Variants in PLCB1 observed in about 807,000 individuals in gnomAD.
The protein encoded by PLCB1 is 1-phosphatidylinositol 4,5-bisphosphate phosphodiesterase beta-1.
A neutral mutation model predicts 161.8 loss-of-function variants in PLCB1; 46 were observed. The ratio of observed to expected loss-of-function variants is 0.28; its 90% CI spans 0.22 to 0.36. The LOEUF (loss-of-function observed/expected upper bound fraction) is 0.36. Among genes scored for constraint, PLCB1 ranks in the 10% least tolerant of loss-of-function variants. The pLI is 1.00. For synonymous variants in PLCB1, 517 were observed against 503.7 expected (o/e 1.03, Z -0.35); for missense variants, 1,016 against 1,472.5 (o/e 0.69, Z 5.07).
chr20:8,403,781 C>T (rs1409808047), intron 3 of PLCB1, among the ~76,000 whole-genome samples: 1 of 152,132 alleles, frequency 6.6e-6, no homozygotes, highest in Non-Finnish European at 1.5e-5. Context: ...AAAATCTATA[C>T]TCATTTTTAA....
At chr20:8,262,751 G>C (rs1252735888) in intron 2 of PLCB1, among the ~76,000 whole-genome samples, 2 of 152,214 alleles carry the variant, frequency 1.3e-5, no homozygotes, top group African/African-American at 4.8e-5. Context: ...AGTCTAAGAT[G>C]AAAGTGCCAA....
intron 3 of PLCB1, among the ~76,000 whole-genome samples, chr20:8,423,751 T>A (rs987647710): frequency 3.3e-5 from 5 of 152,286 alleles, no homozygotes; most frequent in Admixed American, 6.5e-5. Context: ...GAAACTCAAA[T>A]TAACAACAGA....
At chr20:8,627,010 C>G (rs915114518) in intron 3 of PLCB1, among the ~76,000 whole-genome samples, 1 of 152,070 alleles carries the variant, frequency 6.6e-6, no homozygotes, top group African/African-American at 2.4e-5. Context: ...TTTTCTGGGT[C>G]ATGCAAATTG....
In PLCB1 at chr20:8,382,524, C is replaced by T. The variant is rs931459253; in HGVS notation, c.246+11074C>T. On this transcript the variant is annotated intron_variant, in intron 3 of 31. Coordinates refer to ENST00000338037, the MANE Select transcript of PLCB1 (RefSeq NM_015192.4). ...GGTCTCGATCTCCTGACCTCGTAAT[C>T]CACCCATCTTGGCCTCTCAAAGTGT... Among the ~76,000 whole-genome samples the T allele has an allele frequency of 2.7e-5, 4 of 149,696 alleles. No homozygotes were observed. In the South Asian group the frequency reaches 8.5e-4, roughly 32 times the overall value.
chr20:8,751,741 A>G (rs1472404160), intron 23 of PLCB1: 1 of 152,130 alleles, frequency 6.6e-6, no homozygotes, highest in Non-Finnish European at 1.5e-5. Context: ...CTGAAGTACT[A>G]CCACCTTCTG....
intron 2 of PLCB1, among the ~76,000 whole-genome samples, chr20:8,357,439 T>C (rs1293775435): frequency 1.3e-5 from 2 of 152,182 alleles, no homozygotes; most frequent in African/African-American, 2.4e-5. Context: ...CTAAGGACTA[T>C]TTCATATGAC....
chr20:8,572,503 G>T (rs1986552429), intron 3 of PLCB1, among the ~76,000 whole-genome samples: 1 of 152,214 alleles, frequency 6.6e-6, no homozygotes, highest in Admixed American at 6.5e-5. Flanking sequence ...TTTCATAGAT[G>T]TGAGAACCTG....
chr20:8,717,354 A>G (rs1005836854), intron 13 of PLCB1, among the ~76,000 whole-genome samples: 7 of 152,208 alleles, frequency 4.6e-5, no homozygotes, highest in African/African-American at 1.7e-4. Flanking sequence ...TATCTGTCCT[A>G]AATCAAGATG....
chr20:8,679,072 A>G (rs1236835122), intron 9 of PLCB1, among the ~76,000 whole-genome samples: 1 of 152,176 alleles, frequency 6.6e-6, no homozygotes, highest in East Asian at 1.9e-4. Context: ...ATCCTTGGTT[A>G]TTTCCAACCC....
chr20:8,761,848 C>T (rs1289933440), intron 25 of PLCB1, among the ~76,000 whole-genome samples: 1 of 142,932 alleles, frequency 7.0e-6, no homozygotes, highest in East Asian at 2.1e-4. Context: ...CCCGCCTCGG[C>T]CTCCCAAAGT....
chr20:8,504,915 T>A (rs529891742), intron 3 of PLCB1, among the ~76,000 whole-genome samples: 2 of 152,324 alleles, frequency 1.3e-5, no homozygotes, highest in African/African-American at 4.8e-5. Context: ...TCACACAGGC[T>A]GAAGTTCAGT....
chr20:8,774,780 G>A, intron 27 of PLCB1, 61 bp downstream of exon 27: 1 of 1,396,080 alleles, frequency 7.2e-7, no homozygotes, highest in Non-Finnish European at 9.8e-7. Context: ...GGAAACTTTG[G>A]ATACTTTTGG....
intron 1 of PLCB1, among the ~76,000 whole-genome samples, chr20:8,147,293 C>A (rs1428747202): frequency 1.3e-5 from 2 of 152,164 alleles, no homozygotes; most frequent in Non-Finnish European, 2.9e-5. Flanking sequence ...AGTTTAAAAA[C>A]CACAATCTTA....
chr20:8,632,968 G>T (rs961444595), intron 4 of PLCB1, among the ~76,000 whole-genome samples: 12 of 152,202 alleles, frequency 7.9e-5, no homozygotes, highest in African/African-American at 2.9e-4. Context: ...ATAATGGACC[G>T]CATGGGGGAG....
intron 29 of PLCB1, among the ~76,000 whole-genome samples, chr20:8,789,119 T>A (rs1983628132): frequency 6.6e-6 from 1 of 152,188 alleles, no homozygotes; most frequent in Non-Finnish European, 1.5e-5. Context: ...GGCTCACACT[T>A]GTAATCTCAG....
intron 3 of PLCB1, among the ~76,000 whole-genome samples, chr20:8,486,560 A>G (rs1310885809): frequency 1.4e-5 from 2 of 139,080 alleles, no homozygotes; most frequent in Non-Finnish European, 3.0e-5. Context: ...CAGTGGCGCA[A>G]TCTCGGCTCA....
At chr20:8,491,505 T>C (rs11907448) in intron 3 of PLCB1, among the ~76,000 whole-genome samples, 5,829 of 152,192 alleles carry the variant, frequency 0.038, 370 homozygotes, top group African/African-American at 0.13. Context: ...AGTGGTCTAA[T>C]GTAAACGTTG....
chr20:8,664,262 T>C (rs1194078726), intron 9 of PLCB1, among the ~76,000 whole-genome samples: 1 of 152,162 alleles, frequency 6.6e-6, no homozygotes, highest in African/African-American at 2.4e-5. Flanking sequence ...AATTAAGTCA[T>C]AAAAATGAAG....
chr20:8,531,540 C>T lies in PLCB1; in HGVS notation c.247-96754C>T, dbSNP rs1369286930. On this transcript the variant is annotated intron_variant, in intron 3 of 31. Coordinates refer to ENST00000338037, the MANE Select transcript of PLCB1 (RefSeq NM_015192.4). ...AAACACTTCCTGCTAGGAAATTAAG[C>T]CAGCCTTCTATATTTGTACTCACAA... 3.3e-5 allele frequency among the ~76,000 whole-genome samples: 5 copies of T among 152,130 alleles called. 1 individual carries two copies. The South Asian group carries it at 6.2e-4, about 19-fold the overall frequency.
Sources: gnomAD v4.1 joint callset for allele counts (sites outside exome capture counted in the v4.1 genomes callset) on GRCh38, gnomAD v4.1.1 for gene constraint, MANE v1.5 for transcripts, NCBI Gene and HGNC (gene_info 2026-07-23, HGNC 2026-07-21) for gene names.